CFAP47: variants seen among roughly 807,000 people sequenced by gnomAD.
CFAP47 encodes the protein cilia- and flagella-associated protein 47.
A neutral mutation model predicts 148.1 loss-of-function variants in CFAP47; 29 were observed. That is an observed-to-expected ratio of 0.20 (90% CI 0.15 to 0.27). CFAP47 has a LOEUF of 0.27. CFAP47 is among the 10% of genes least tolerant of loss of function. The pLI is 1.00. For missense variants in CFAP47, 1,872 were observed against 1,697.5 expected (o/e 1.10, Z -1.81); for synonymous variants, 664 against 577.3 (o/e 1.15, Z -2.15).
At chrX:36,180,181 A>T (rs1408078593) in intron 40 of CFAP47, among the ~76,000 whole-genome samples, 1 of 111,639 alleles carries the variant, frequency 9.0e-6, no homozygotes, top group Non-Finnish European at 1.9e-5. Context: ...ATTTAAATTT[A>T]TTCTACCTAC....
rs1045945749 is a variant in CFAP47 at position 36,353,526 on chromosome X, C to T, written c.8699-3C>T. 23 of 1,156,594 alleles carry T rather than the reference C, an allele frequency of 2.0e-5. No individual in the cohort carries two copies. The highest frequency in any genetic ancestry group is 4.7e-4 in the Middle Eastern group (2 of 4,278). On this transcript the variant is annotated splice_region_variant and splice_polypyrimidine_tract_variant and intron_variant, in intron 59 of 63. Transcript: ENST00000378653. ...GTTAACTGGAAATATTTCTCTCCTG[C>T]AGTTGTCATACAATGTCAGTCCAGG...
At chrX:36,267,666 G>T (rs1270925930) in intron 49 of CFAP47, among the ~76,000 whole-genome samples, 2 of 110,632 alleles carry the variant, frequency 1.8e-5, no homozygotes, top group African/African-American at 6.6e-5. Context: ...TTTTGGTAGA[G>T]ACGGGGTTTC....
rs377219164 is a variant in CFAP47 at position 36,230,864 on chromosome X, A to G, written c.7014+2040A>G. ...TTTTCCCAGCACCATTTATTAAATA[A>G]GGAATCCTTTCCCCATTGCTTGTTT... On this transcript the variant is annotated intron_variant, in intron 46 of 63. Transcript: ENST00000378653. Among the ~76,000 whole-genome samples the G allele has an allele frequency of 1.0e-3, 108 of 106,217 alleles. 1 individual carries two copies. The highest frequency in any genetic ancestry group is 5.3e-3 in the Admixed American group (53 of 9,916). 92.2% of individuals were successfully genotyped at this position (106,217 alleles called of 115,157 possible). A position where few individuals can be genotyped will look rare whatever the true frequency, so the allele number is the denominator to read the frequency against.
intron 45 of CFAP47, among the ~76,000 whole-genome samples, chrX:36,221,885 T>G (rs1940216498): frequency 9.0e-6 from 1 of 111,478 alleles, no homozygotes; most frequent in African/African-American, 3.2e-5. Context: ...GAAGATCTTA[T>G]TAGACCTCTC....
Position 36,098,879 on chromosome X carries a change from G to A in CFAP47, c.4998+5G>A, listed in dbSNP as rs758480012. ...AAGAGGTGGATTGAAATTATGGTAA[G>A]AAAATATAATTTCTTGGAACAAACC... On this transcript the variant is annotated splice_donor_5th_base_variant and intron_variant, in intron 31 of 63. Transcript: ENST00000378653. 9.4e-7 allele frequency: 1 copy of A among 1,060,905 alleles called. No individual in the cohort carries two copies. The highest frequency in any genetic ancestry group is 1.3e-6 in the Non-Finnish European group (1 of 768,250). 87.4% of individuals were successfully genotyped at this position (1,060,905 alleles called of 1,213,427 possible). A position where few individuals can be genotyped will look rare whatever the true frequency, so the allele number is the denominator to read the frequency against.
At position 35,951,771 on chromosome X, in the gene CFAP47, A is replaced by G. The variant is rs773448767; in HGVS notation, c.886-32A>G. The G allele has an allele frequency of 1.1e-5, 12 of 1,062,383 alleles. No individual in the cohort carries two copies. In the South Asian group the frequency reaches 2.6e-4, roughly 23 times the overall value. 87.6% of individuals were successfully genotyped at this position (1,062,383 alleles called of 1,213,427 possible). ...CAAAAATTTTTTTGTGTTTTGCCTT[A>G]ATACTCTTTTATATCTGACTTTATA... On this transcript the variant is annotated intron_variant, in intron 5 of 63. Coordinates refer to ENST00000378653, the MANE Select transcript of CFAP47 (RefSeq NM_001304548.2).
intron 45 of CFAP47, among the ~76,000 whole-genome samples, chrX:36,210,080 C>T (rs901607643): frequency 1.8e-5 from 2 of 112,171 alleles, no homozygotes; most frequent in African/African-American, 6.5e-5. Context: ...TGACTATGCC[C>T]TACTTTGTTT....
chrX:36,327,180 G>A (rs1201975420), intron 57 of CFAP47, among the ~76,000 whole-genome samples: 1 of 111,671 alleles, frequency 9.0e-6, no homozygotes, highest in African/African-American at 3.3e-5. Flanking sequence ...TGTAGACACA[G>A]TAAACACATT....
chrX:36,285,614 TG>T lies in CFAP47; in HGVS notation c.7589-14del. 2.8e-6 allele frequency: 2 copies of T among 714,086 alleles called. No individual in the cohort carries two copies. The highest frequency in any genetic ancestry group is 4.7e-5 in the South Asian group (2 of 42,507). 58.8% of individuals were successfully genotyped at this position (714,086 alleles called of 1,213,427 possible). On this transcript the variant is annotated splice_polypyrimidine_tract_variant and intron_variant, in intron 50 of 63. Coordinates refer to ENST00000378653, the MANE Select transcript of CFAP47 (RefSeq NM_001304548.2). ...CTGAAGTCTATATTAAAAAGTGTTT[TG>T]TTTTGTTTTTCAGATGGTAATTTTA...
intron 33 of CFAP47, among the ~76,000 whole-genome samples, chrX:36,122,394 C>T (rs1234175121): frequency 1.8e-5 from 2 of 111,141 alleles, no homozygotes; most frequent in East Asian, 5.7e-4. Context: ...TCTTTATACC[C>T]GTATCTCTTT....
intron 42 of CFAP47, among the ~76,000 whole-genome samples, chrX:36,197,128 G>A (rs1939928574): frequency 8.9e-6 from 1 of 111,778 alleles, no homozygotes; most frequent in African/African-American, 3.2e-5. Flanking sequence ...TATTGAACAT[G>A]TTAGTCAAAA....
intron 22 of CFAP47, among the ~76,000 whole-genome samples, chrX:36,028,165 C>A (rs1363662041): frequency 2.7e-5 from 3 of 111,024 alleles, no homozygotes; most frequent in African/African-American, 9.8e-5. Flanking sequence ...CAATAAGTCC[C>A]ATTTGTCCAT....
chrX:36,385,223 G>T lies in CFAP47; in HGVS notation c.*217G>T, dbSNP rs1556024998. On this transcript the variant is annotated 3_prime_UTR_variant, in exon 64 of 64. Coordinates refer to ENST00000378653, the MANE Select transcript of CFAP47 (RefSeq NM_001304548.2). ...ACATTGGAATTGGTTCACTTTTAAA[G>T]TGCAGGTGTATATTTGTGGTAAAAC... 2.9e-6 allele frequency: 1 copy of T among 343,978 alleles called. No homozygotes were observed. Among genetic ancestry groups the T allele is most frequent in the East Asian group, 4.9e-5 (1 of 20,444 alleles). The allele number at this position is 343,978 out of a possible 1,213,427, so 28.3% of individuals were successfully genotyped here.
intron 33 of CFAP47, among the ~76,000 whole-genome samples, chrX:36,128,005 G>A (rs764577948): frequency 9.0e-6 from 1 of 110,665 alleles, no homozygotes; most frequent in African/African-American, 3.3e-5. Context: ...CGAGACGATG[G>A]GGTTTTCTAA....
At chrX:36,177,919 A>G (rs1423299620) in intron 39 of CFAP47, among the ~76,000 whole-genome samples, 3 of 111,907 alleles carry the variant, frequency 2.7e-5, no homozygotes, top group Non-Finnish European at 5.6e-5. Context: ...TAAGAAAGAC[A>G]TGGAATCAAC....
intron 1 of CFAP47, among the ~76,000 whole-genome samples, chrX:35,920,990 T>TA (rs910170638): frequency 1.8e-5 from 2 of 112,084 alleles, no homozygotes; most frequent in Non-Finnish European, 3.8e-5. Flanking sequence ...TTTGCTCTGT[T>TA]AAAAAAATCG....
intron 35 of CFAP47, among the ~76,000 whole-genome samples, chrX:36,142,212 A>G (rs779877094): frequency 1.2e-4 from 13 of 111,433 alleles, no homozygotes; most frequent in African/African-American, 3.9e-4. Flanking sequence ...TAAATCCAGC[A>G]TAAAACTCAA....
intron 40 of CFAP47, among the ~76,000 whole-genome samples, chrX:36,183,288 C>T (rs1008299118): frequency 1.8e-5 from 2 of 111,168 alleles, no homozygotes; most frequent in African/African-American, 3.3e-5. Context: ...CACTGCACTC[C>T]AGCCTAGGTG....
chrX:36,250,518 A>G (rs183662132), intron 48 of CFAP47, among the ~76,000 whole-genome samples: 1 of 110,708 alleles, frequency 9.0e-6, no homozygotes, highest in East Asian at 2.8e-4. Flanking sequence ...TATGATAATT[A>G]TAACAACGTA....
Sources: allele counts gnomAD v4.1 joint callset (sites outside exome capture counted in the v4.1 genomes callset), GRCh38; gene constraint gnomAD v4.1.1; transcripts MANE v1.5; gene names NCBI Gene and HGNC (gene_info 2026-07-23, HGNC 2026-07-21).